Variants in SNAP29 observed in about 807,000 individuals in gnomAD.
SNAP29 encodes synaptosome associated protein 29.
In SNAP29, 13 loss-of-function variants were observed where a neutral mutation model predicts 27.9. The ratio of observed to expected loss-of-function variants is 0.47; its 90% CI spans 0.30 to 0.74. The LOEUF is 0.74. SNAP29 is among the 30% of genes least tolerant of loss of function. SNAP29 has a pLI of 0.06. For missense variants in SNAP29, 368 were observed against 336.5 expected, an observed-to-expected ratio of 1.09 and a Z score of -0.73; for synonymous variants, 119 against 127.1, an observed-to-expected ratio of 0.94 and a Z score of 0.43.
Position 20,859,048 on chromosome 22 carries a change from C to A in SNAP29, c.-63C>A. 1 of 1,459,902 alleles carries A rather than the reference C, an allele frequency of 6.8e-7. No individual in the cohort carries two copies. The highest frequency in any genetic ancestry group is 9.5e-7 in the Non-Finnish European group (1 of 1,056,762). The allele number at this position is 1,459,902 out of a possible 1,614,324, so 90.4% of individuals were successfully genotyped here. ...CGGGGTCGGCGGGCGGGGCGAGGCC[C>A]TGGACGGCGGCGGCAGTGGGGCTCC... On this transcript the variant is annotated 5_prime_UTR_variant, in exon 1 of 5. The change creates a new upstream start codon in the 5' untranslated region. Coordinates refer to ENST00000215730, the MANE Select transcript of SNAP29 (RefSeq NM_004782.4).
chr22:20,882,343 A>G (rs1928909597), intron 3 of SNAP29, among the ~76,000 whole-genome samples: 1 of 151,728 alleles, frequency 6.6e-6, no homozygotes, highest in Admixed American at 6.6e-5. Context: ...TTCCACTTCT[A>G]TCAAGTGATA....
intron 2 of SNAP29, among the ~76,000 whole-genome samples, chr22:20,872,488 C>T (rs1928617887): frequency 6.6e-6 from 1 of 152,126 alleles, no homozygotes; most frequent in African/African-American, 2.4e-5. Flanking sequence ...GCAAGCTCCG[C>T]CTCCCGGGTT....
At chr22:20,877,211 A>G (rs1928768510) in intron 2 of SNAP29, among the ~76,000 whole-genome samples, 2 of 152,006 alleles carry the variant, frequency 1.3e-5, no homozygotes, top group South Asian at 4.2e-4. Flanking sequence ...TCACAAAGTC[A>G]GGTGTTCAAG....
chr22:20,862,820 G>A (rs897876285), intron 1 of SNAP29, among the ~76,000 whole-genome samples: 4 of 152,166 alleles, frequency 2.6e-5, no homozygotes, highest in Admixed American at 1.3e-4. Context: ...GAAGCCCTGG[G>A]AGTCAGGGAT....
intron 1 of SNAP29, among the ~76,000 whole-genome samples, chr22:20,869,830 G>A (rs1474799563): frequency 2.0e-5 from 3 of 151,812 alleles, no homozygotes; most frequent in Non-Finnish European, 2.9e-5. Flanking sequence ...GAGTACATTG[G>A]CACCATCTTG....
Position 20,883,429 on chromosome 22 carries a change from A to G in SNAP29, c.521-42A>G, listed in dbSNP as rs1160844494. 3 of 1,237,922 alleles carry G rather than the reference A, an allele frequency of 2.4e-6. No homozygotes were observed. The African/African-American group carries it at 4.4e-5, about 18-fold the overall frequency. The allele number at this position is 1,237,922 out of a possible 1,614,324, so 76.7% of individuals were successfully genotyped here. On this transcript the variant is annotated intron_variant, in intron 3 of 4. Coordinates refer to ENST00000215730, the MANE Select transcript of SNAP29 (RefSeq NM_004782.4). ...GGTGTGTGAAGCAGCATTTGAAGGA[A>G]TGTCAATTAACCGCTCTCCTGGTGT...
At chr22:20,859,611 C>CT in intron 1 of SNAP29, 1 of 527,454 alleles carries the variant, frequency 1.9e-6, no homozygotes, top group Non-Finnish European at 3.4e-6. Context: ...GCCTAGCTCA[C>CT]GGGGAAACGC....
rs564702974 is a variant in SNAP29, at chr22:20,872,175, T to C, written c.434+1642T>C. Among the ~76,000 whole-genome samples the C allele has an allele frequency of 2.2e-4, 33 of 152,240 alleles. No homozygotes were observed. The South Asian group carries it at 6.6e-3, about 31-fold the overall frequency. On this transcript the variant is annotated intron_variant, in intron 2 of 4. Transcript: ENST00000215730. Reference sequence around the variant, plus strand: ...TTTAACCCAGAAAAACTGCTTGATATTATGTGATAACTCAGGTTCCATAAC... The same window carrying C: ...TTTAACCCAGAAAAACTGCTTGATACTATGTGATAACTCAGGTTCCATAAC...
At chr22:20,874,248 G>A (rs1928672783) in intron 2 of SNAP29, among the ~76,000 whole-genome samples, 1 of 150,816 alleles carries the variant, frequency 6.6e-6, no homozygotes, top group Non-Finnish European at 1.5e-5. Flanking sequence ...GCAACAGTGA[G>A]CTGAGATCAC....
chr22:20,875,936 C>A (rs989199040), intron 2 of SNAP29, among the ~76,000 whole-genome samples: 1 of 151,838 alleles, frequency 6.6e-6, no homozygotes, highest in Admixed American at 6.6e-5. Flanking sequence ...CTAAGGTGGG[C>A]GGATCACGAG....
At chr22:20,862,077 TGTTAGGGAG>T (rs1158503999) in intron 1 of SNAP29, among the ~76,000 whole-genome samples, 1 of 152,168 alleles carries the variant, frequency 6.6e-6, no homozygotes, top group African/African-American at 2.4e-5. Flanking sequence ...GTCCTAACCT[TGTTAGGGAG>T]GTTTTGCCTG....
At chr22:20,862,015 C>A (rs746055528) in intron 1 of SNAP29, among the ~76,000 whole-genome samples, 21 of 152,186 alleles carry the variant, frequency 1.4e-4, no homozygotes, top group Non-Finnish European at 2.8e-4. Context: ...GGTGATCTGC[C>A]CACCTCAGCC....
intron 2 of SNAP29, among the ~76,000 whole-genome samples, chr22:20,871,468 A>T (rs1569117096): frequency 7.3e-6 from 1 of 137,494 alleles, no homozygotes; most frequent in Non-Finnish European, 1.6e-5. Context: ...TCAGTGACAG[A>T]GTCTCCCTGT....
At chr22:20,874,734 C>T (rs1928699950) in intron 2 of SNAP29, among the ~76,000 whole-genome samples, 1 of 151,938 alleles carries the variant, frequency 6.6e-6, no homozygotes, top group African/African-American at 2.4e-5. Flanking sequence ...TTCTCCAGCT[C>T]AACCCTAATT....
intron 4 of SNAP29, among the ~76,000 whole-genome samples, chr22:20,884,384 T>G (rs1928965448): frequency 1.3e-5 from 2 of 151,880 alleles, no homozygotes; most frequent in Admixed American, 1.3e-4. Flanking sequence ...AACTCTCTCA[T>G]GGAACCCCAC....
At chr22:20,867,874 C>T (rs1345241908) in intron 1 of SNAP29, among the ~76,000 whole-genome samples, 1 of 152,076 alleles carries the variant, frequency 6.6e-6, no homozygotes, top group Non-Finnish European at 1.5e-5. Context: ...GGTGAGTGGT[C>T]GTGGGTTGGC....
chr22:20,881,124 G>A lies in SNAP29; in HGVS notation c.510G>A (p.Leu170=). The A allele has an allele frequency of 6.2e-7, 1 of 1,606,988 alleles. No individual in the cohort carries two copies. The highest frequency in any genetic ancestry group is 8.5e-7 in the Non-Finnish European group (1 of 1,173,554). The stretch of plus-strand genomic sequence containing the variant: ...CCAGCCACCCAAACCTTAGAAAGCT[G>A]GATGATACAGGTAAGTGGATACCTG... ...YQASHPNLRK[L]DDTDPVPRGA... The change falls in exon 3 of 5, where the codon CTG becomes CTA. Residue 170 remains leucine (L), a synonymous_variant. Coordinates refer to ENST00000215730, the MANE Select transcript of SNAP29 (RefSeq NM_004782.4).
At chr22:20,859,575 T>C in intron 1 of SNAP29, 2 of 571,546 alleles carry the variant, frequency 3.5e-6, no homozygotes, top group South Asian at 2.2e-5. Flanking sequence ...GCTATTAGTC[T>C]GCTTCGTTGA....
At chr22:20,870,757 T>C in intron 2 of SNAP29, 1 of 610,088 alleles carries the variant, frequency 1.6e-6, no homozygotes, top group Non-Finnish European at 3.0e-6. Flanking sequence ...TCTCCAATAA[T>C]TGTGACCCCA....
Sources: gnomAD v4.1 joint callset for allele counts (sites outside exome capture counted in the v4.1 genomes callset) on GRCh38, gnomAD v4.1.1 for gene constraint, MANE v1.5 for transcripts, NCBI Gene and HGNC (gene_info 2026-07-23, HGNC 2026-07-21) for gene names.